TRIM9: variants seen among roughly 807,000 people sequenced by gnomAD.
TRIM9 encodes tripartite motif containing 9.
TRIM9 carries 26 observed loss-of-function variants against 78.3 expected under a neutral mutation model. The ratio of observed to expected loss-of-function variants is 0.33; its 90% CI spans 0.24 to 0.46. TRIM9 has a LOEUF of 0.46. Ranked by LOEUF, TRIM9 falls within the 20% of genes least tolerant of loss-of-function variation. The pLI, the probability that TRIM9 is intolerant of heterozygous loss-of-function variation, is 1.00. For synonymous variants in TRIM9, 398 were observed against 416.5 expected (o/e 0.96, Z 0.54); for missense variants, 787 against 1,036.4 (o/e 0.76, Z 3.30).
At chr14:51,039,693 A>C (rs2059429624) in intron 1 of TRIM9, among the ~76,000 whole-genome samples, 2 of 152,106 alleles carry the variant, frequency 1.3e-5, no homozygotes, top group Non-Finnish European at 1.5e-5. Context: ...ATTTTTTTTA[A>C]GTTTATGTAA....
intron 1 of TRIM9, among the ~76,000 whole-genome samples, chr14:51,062,576 G>A (rs539782321): frequency 6.6e-6 from 1 of 152,290 alleles, no homozygotes; most frequent in South Asian, 2.1e-4. Context: ...GTAGATCTAT[G>A]TTTATAGGGG....
At chr14:51,081,327 T>C (rs2063289391) in intron 1 of TRIM9, among the ~76,000 whole-genome samples, 1 of 152,102 alleles carries the variant, frequency 6.6e-6, no homozygotes, top group Non-Finnish European at 1.5e-5. Flanking sequence ...AAGACTATAA[T>C]AAAAAGGACA....
At chr14:50,997,047 A>G in intron 7 of TRIM9, 1 of 985,458 alleles carries the variant, frequency 1.0e-6, no homozygotes, top group Non-Finnish European at 1.2e-6. Context: ...TTGAACTTGA[A>G]CAAAATCAAC....
chr14:50,985,858 C>T (rs2139350606), intron 8 of TRIM9, 98 bp downstream of exon 8: 1 of 1,115,366 alleles, frequency 9.0e-7, no homozygotes, highest in Middle Eastern at 3.1e-4. Context: ...AGCTCATCCC[C>T]CTCACCACGC....
intron 1 of TRIM9, among the ~76,000 whole-genome samples, chr14:51,038,238 A>G (rs2059315854): frequency 6.6e-6 from 1 of 152,142 alleles, no homozygotes; most frequent in Admixed American, 6.5e-5. Context: ...GAGAAGCCAC[A>G]TTGCTGGTTT....
intron 1 of TRIM9, among the ~76,000 whole-genome samples, chr14:51,084,154 C>A (rs910984854): frequency 2.8e-5 from 4 of 145,004 alleles, no homozygotes; most frequent in Non-Finnish European, 6.1e-5. Flanking sequence ...AGCTTACTAT[C>A]AGTTCAAACT....
rs143203355 is a variant in TRIM9, at chr14:51,043,897, G to A, written c.823-18537C>T. On this transcript the variant is annotated intron_variant, in intron 1 of 12. Transcript: ENST00000684578. ...CAAGAGGCCAAATACATGTGCATAC[G>A]TTTAAATTATTATTATATTAAATCT... 4.5e-3 allele frequency among the ~76,000 whole-genome samples: 690 copies of A among 152,152 alleles called. 1 individual carries two copies. Among genetic ancestry groups the A allele is most frequent in the South Asian group, 0.012 (59 of 4,814 alleles).
chr14:51,062,596 T>TG (rs1441787157), intron 1 of TRIM9, among the ~76,000 whole-genome samples: 1 of 151,848 alleles, frequency 6.6e-6, no homozygotes, highest in Non-Finnish European at 1.5e-5. Context: ...GTTATTTTGG[T>TG]GGGGGAGGGA....
chr14:50,981,378 T>C (rs761663322), intron 11 of TRIM9, among the ~76,000 whole-genome samples: 1 of 152,258 alleles, frequency 6.6e-6, no homozygotes, highest in Non-Finnish European at 1.5e-5. Context: ...ATATTTCATT[T>C]AATCTTCAGA....
intron 3 of TRIM9, among the ~76,000 whole-genome samples, chr14:51,021,274 A>C (rs578044742): frequency 7.2e-5 from 11 of 152,106 alleles, no homozygotes; most frequent in Non-Finnish European, 1.6e-4. Context: ...CTAATCACCC[A>C]CTTCTTCCCT....
At chr14:51,093,483 T>C (rs2064601890) in intron 1 of TRIM9, among the ~76,000 whole-genome samples, 1 of 152,218 alleles carries the variant, frequency 6.6e-6, no homozygotes, top group South Asian at 2.1e-4. Flanking sequence ...CACGTCGCGT[T>C]GCCATGGCGA....
chr14:51,089,474 T>G (rs1488289717), intron 1 of TRIM9: 2 of 152,248 alleles, frequency 1.3e-5, no homozygotes, highest in East Asian at 3.8e-4. Flanking sequence ...AATTGTCTCT[T>G]ACTTTATGCA....
chr14:51,029,151 C>T (rs2058510391), intron 1 of TRIM9, among the ~76,000 whole-genome samples: 1 of 152,172 alleles, frequency 6.6e-6, no homozygotes, highest in Admixed American at 6.5e-5. Context: ...GGCCTTTTCC[C>T]CTCAATTCAC....
At position 51,094,710 on chromosome 14, in the gene TRIM9, C is replaced by T; in HGVS notation, c.230G>A (p.Gly77Asp). The T allele has an allele frequency of 6.4e-7, 1 of 1,558,708 alleles. No homozygotes were observed. Among genetic ancestry groups the T allele is most frequent in the Non-Finnish European group, 8.7e-7 (1 of 1,151,920 alleles). The change falls in exon 1 of 13, where the codon GGC becomes GAC. Residue 77 changes from glycine (G) to aspartate (D), a missense_variant. By Grantham distance (94) the Gly-to-Asp change is moderately conservative (BLOSUM62 -1). Coordinates refer to ENST00000684578, the MANE Select transcript of TRIM9 (RefSeq NM_001387360.1). The stretch of plus-strand genomic sequence containing the variant: ...GGCGAACCCCCCGTAGGAGCCATAG[C>T]CGCTGTCCGCCTCGCTGTATAGGCT... ...KMSLYSEADS[G>D]YGSYGGFASA...
chr14:51,002,739 T>A (rs2055241587), intron 5 of TRIM9, among the ~76,000 whole-genome samples: 1 of 152,182 alleles, frequency 6.6e-6, no homozygotes, highest in Non-Finnish European at 1.5e-5. Context: ...AAGCAGTGAC[T>A]GTAACATAAG....
chr14:51,084,536 G>C (rs1285133816), intron 1 of TRIM9, among the ~76,000 whole-genome samples: 2 of 152,046 alleles, frequency 1.3e-5, no homozygotes, highest in Non-Finnish European at 2.9e-5. Context: ...ATGACTGATG[G>C]TCAATAAAAT....
chr14:50,990,194 T>C (rs1566550461), intron 7 of TRIM9, among the ~76,000 whole-genome samples: 1 of 152,138 alleles, frequency 6.6e-6, no homozygotes, highest in Non-Finnish European at 1.5e-5. Context: ...ATTTTAATTT[T>C]TTCTGTAGAG....
Position 50,977,162 on chromosome 14 carries a change from G to T in TRIM9, c.*129C>A. On this transcript the variant is annotated 3_prime_UTR_variant, in exon 13 of 13. Coordinates refer to ENST00000684578, the MANE Select transcript of TRIM9 (RefSeq NM_001387360.1). ...AGCTGTGGGTGTAAAGACTGCAGAG[G>T]ACCAGCTTTTCTCTCCTCCTTCTCC... is the stretch of plus-strand genomic sequence containing the variant. 1.7e-6 allele frequency: 1 copy of T among 605,846 alleles called. No homozygotes were observed. The highest frequency in any genetic ancestry group is 4.3e-5 in the South Asian group (1 of 23,334). The allele number at this position is 605,846 out of a possible 1,614,324, so 37.5% of individuals were successfully genotyped here.
At chr14:51,002,768 G>A (rs747752137) in intron 5 of TRIM9, among the ~76,000 whole-genome samples, 31 of 152,120 alleles carry the variant, frequency 2.0e-4, no homozygotes, top group Non-Finnish European at 3.8e-4. Flanking sequence ...AGGTGAAGCC[G>A]GTCAATTGTC....
Sources: allele counts gnomAD v4.1 joint callset (sites outside exome capture counted in the v4.1 genomes callset), GRCh38; gene constraint gnomAD v4.1.1; transcripts MANE v1.5; gene names NCBI Gene and HGNC (gene_info 2026-07-23, HGNC 2026-07-21).